Variants in NKAIN2 observed in about 807,000 individuals in gnomAD.
The protein encoded by NKAIN2 is sodium/potassium transporting ATPase interacting 2, also known as sodium/potassium-transporting ATPase subunit beta-1-interacting protein 2.
Under a neutral mutation model 32.6 loss-of-function variants are expected in NKAIN2, and 14 were observed. The ratio of observed to expected loss-of-function variants is 0.43; its 90% CI spans 0.28 to 0.67. The LOEUF (loss-of-function observed/expected upper bound fraction) is 0.67, where lower values mean the gene tolerates loss of function less well. NKAIN2 is among the 30% of genes least tolerant of loss of function. The probability of loss-of-function intolerance (pLI) is 0.17; values close to 1 mark genes in which losing one functional copy is unlikely to be tolerated. For missense variants in NKAIN2, 198 were observed against 258.3 expected, an observed-to-expected ratio of 0.77 and a Z score of 1.60; for synonymous variants, 80 against 87.2, an observed-to-expected ratio of 0.92 and a Z score of 0.46.
intron 1 of NKAIN2, among the ~76,000 whole-genome samples, chr6:123,997,576 T>TATC (rs1231018753): frequency 6.6e-6 from 1 of 151,104 alleles, no homozygotes; most frequent in Non-Finnish European, 1.5e-5. Flanking sequence ...AAGCAGGAAT[T>TATC]ATCACTAACT....
intron 1 of NKAIN2, among the ~76,000 whole-genome samples, chr6:123,922,567 A>G (rs1775804170): frequency 6.6e-6 from 1 of 151,938 alleles, no homozygotes; most frequent in Non-Finnish European, 1.5e-5. Flanking sequence ...CTGTATATAG[A>G]TTTTGGTCAG....
chr6:123,935,631 T>A (rs2114534962), intron 1 of NKAIN2, among the ~76,000 whole-genome samples: 1 of 152,218 alleles, frequency 6.6e-6, no homozygotes, highest in South Asian at 2.1e-4. Context: ...ATAAATATGT[T>A]CCAATACTAT....
chr6:124,383,031 A>G lies in NKAIN2; in HGVS notation c.273+27684A>G, dbSNP rs1271714375. 5.1e-4 allele frequency among the ~76,000 whole-genome samples: 78 copies of G among 152,156 alleles called. 1 individual carries two copies. The highest frequency in any genetic ancestry group is 4.9e-3 in the Admixed American group (75 of 15,268). Reference sequence around the variant, plus strand: ...CACTTTTCAAATCAGGAAAGCAAGCATAGCGGTTAGCATTTTTTCTGTACT... The same window carrying G: ...CACTTTTCAAATCAGGAAAGCAAGCGTAGCGGTTAGCATTTTTTCTGTACT... On this transcript the variant is annotated intron_variant, in intron 3 of 6. Coordinates refer to ENST00000368417, the MANE Select transcript of NKAIN2 (RefSeq NM_001040214.3).
At chr6:123,910,890 G>C (rs372815462) in intron 1 of NKAIN2, among the ~76,000 whole-genome samples, 2 of 151,992 alleles carry the variant, frequency 1.3e-5, no homozygotes, top group East Asian at 3.9e-4. Context: ...CATTTAGATT[G>C]AGCCTTTATT....
chr6:124,805,973 G>T (rs931886836), intron 5 of NKAIN2, among the ~76,000 whole-genome samples: 1 of 152,222 alleles, frequency 6.6e-6, no homozygotes, highest in Non-Finnish European at 1.5e-5. Context: ...AAGCCTCCAA[G>T]AAATATGGGA....
intron 2 of NKAIN2, among the ~76,000 whole-genome samples, chr6:124,338,701 A>G (rs948976349): frequency 6.6e-6 from 1 of 152,202 alleles, no homozygotes; most frequent in African/African-American, 2.4e-5. Context: ...ATTTGCAGAG[A>G]TGCTTATGAA....
At chr6:124,286,675 C>T (rs113753438) in intron 2 of NKAIN2, among the ~76,000 whole-genome samples, 981 of 62,770 alleles carry the variant, frequency 0.016, 12 homozygotes, top group African/African-American at 0.075. Context: ...TGTGTGTGTG[C>T]GCGCGCGTGT....
intron 2 of NKAIN2, among the ~76,000 whole-genome samples, chr6:124,307,938 A>G (rs922555703): frequency 1.3e-5 from 2 of 152,164 alleles, no homozygotes; most frequent in African/African-American, 4.8e-5. Flanking sequence ...CTAAGTGAAA[A>G]CTGAAAGCAA....
intron 1 of NKAIN2, among the ~76,000 whole-genome samples, chr6:124,130,948 T>G (rs1317600169): frequency 6.6e-6 from 1 of 152,154 alleles, no homozygotes; most frequent in East Asian, 1.9e-4. Context: ...ACGTGTGCAC[T>G]CCAACACTGC....
intron 2 of NKAIN2, among the ~76,000 whole-genome samples, chr6:124,334,959 A>G (rs542824981): frequency 6.6e-5 from 10 of 152,322 alleles, no homozygotes; most frequent in Admixed American, 1.3e-4. Context: ...TCACTGTCAT[A>G]ACTTTCTCAC....
At chr6:123,881,689 T>TA (rs1052591327) in intron 1 of NKAIN2, among the ~76,000 whole-genome samples, 1 of 152,144 alleles carries the variant, frequency 6.6e-6, no homozygotes, top group Non-Finnish European at 1.5e-5. Context: ...ATCATAGTAA[T>TA]AAAAAAGATG....
intron 3 of NKAIN2, among the ~76,000 whole-genome samples, chr6:124,423,841 C>A (rs1354681654): frequency 2.0e-5 from 3 of 152,220 alleles, no homozygotes; most frequent in African/African-American, 7.2e-5. Flanking sequence ...CTTTGAGATA[C>A]TGACTTCCTT....
chr6:123,928,301 C>G (rs12203465), intron 1 of NKAIN2, among the ~76,000 whole-genome samples: 47,842 of 151,992 alleles, frequency 0.31, 8,445 homozygotes, highest in East Asian at 0.64. Context: ...CTATTGGGTA[C>G]TATGCTCACT....
At chr6:124,750,701 T>C (rs939142918) in intron 4 of NKAIN2, among the ~76,000 whole-genome samples, 2 of 152,116 alleles carry the variant, frequency 1.3e-5, no homozygotes, top group African/African-American at 4.8e-5. Context: ...ACTGTATGTT[T>C]ACATTTTTAT....
At chr6:124,017,692 T>C (rs1780647856) in intron 1 of NKAIN2, among the ~76,000 whole-genome samples, 1 of 152,146 alleles carries the variant, frequency 6.6e-6, no homozygotes, top group South Asian at 2.1e-4. Context: ...ATTCCATGTC[T>C]CACATCCAGG....
chr6:123,822,809 A>G (rs564810567), intron 1 of NKAIN2, among the ~76,000 whole-genome samples: 1 of 152,324 alleles, frequency 6.6e-6, no homozygotes, highest in African/African-American at 2.4e-5. Flanking sequence ...TCAATTTCTT[A>G]ATCTGTAATG....
At chr6:124,206,243 AT>A (rs1301412173) in intron 1 of NKAIN2, among the ~76,000 whole-genome samples, 1 of 151,660 alleles carries the variant, frequency 6.6e-6, no homozygotes, top group Non-Finnish European at 1.5e-5. Context: ...GTTTCTTGGT[AT>A]TTTTTTCTTT....
At chr6:123,870,189 C>A (rs897537643) in intron 1 of NKAIN2, among the ~76,000 whole-genome samples, 1 of 151,934 alleles carries the variant, frequency 6.6e-6, no homozygotes, top group Non-Finnish European at 1.5e-5. Flanking sequence ...GGTGATAAGG[C>A]AGACAATAGA....
chr6:124,005,092 G>T (rs574355818), intron 1 of NKAIN2, among the ~76,000 whole-genome samples: 192 of 152,118 alleles, frequency 1.3e-3, no homozygotes, highest in African/African-American at 4.3e-3. Flanking sequence ...ACACGTGGTG[G>T]TGCACACCTG....
Sources: allele counts gnomAD v4.1 joint callset (sites outside exome capture counted in the v4.1 genomes callset), GRCh38; gene constraint gnomAD v4.1.1; transcripts MANE v1.5; gene names NCBI Gene and HGNC (gene_info 2026-07-23, HGNC 2026-07-21).